CUBN: variants seen among roughly 807,000 people sequenced by gnomAD.
CUBN encodes the protein 460 kDa receptor.
A neutral mutation model predicts 405.3 loss-of-function variants in CUBN; 282 were observed. That is an observed-to-expected ratio of 0.70 (90% CI 0.63 to 0.77). The LOEUF (loss-of-function observed/expected upper bound fraction) is 0.77, where lower values mean the gene tolerates loss of function less well. Ranked by LOEUF, CUBN falls within the 30% of genes least tolerant of loss-of-function variation. The probability of loss-of-function intolerance (pLI) is 0.00; values close to 1 mark genes in which losing one functional copy is unlikely to be tolerated. For missense variants in CUBN, 4,514 were observed against 4,475.2 expected, an observed-to-expected ratio of 1.01 and a Z score of -0.25; for synonymous variants, 1,684 against 1,617.0, an observed-to-expected ratio of 1.04 and a Z score of -0.99.
At chr10:17,124,290 T>C (rs1217950976) in intron 4 of CUBN, among the ~76,000 whole-genome samples, 1 of 152,208 alleles carries the variant, frequency 6.6e-6, no homozygotes, top group Non-Finnish European at 1.5e-5. Flanking sequence ...GACCTACCTT[T>C]GTCTACATCT....
chr10:16,958,751 C>T (rs575280325), intron 31 of CUBN, among the ~76,000 whole-genome samples: 49 of 152,278 alleles, frequency 3.2e-4, no homozygotes, highest in African/African-American at 9.9e-4. Context: ...TGAGTAGCAG[C>T]GTCTTCTCTC....
chr10:16,887,328 C>T (rs962595519), intron 56 of CUBN, among the ~76,000 whole-genome samples: 1 of 152,252 alleles, frequency 6.6e-6, no homozygotes, highest in Admixed American at 6.5e-5. Context: ...TGTTAAAGTT[C>T]TGTCACTATT....
chr10:16,862,603 A>G (rs1357419559), intron 59 of CUBN, among the ~76,000 whole-genome samples: 2 of 152,188 alleles, frequency 1.3e-5, no homozygotes, highest in African/African-American at 2.4e-5. Context: ...CGGTCCCACT[A>G]TTATATTTCC....
In CUBN at chr10:16,840,989, A is replaced by G; in HGVS notation, c.9722T>C (p.Val3241Ala). The G allele has an allele frequency of 1.2e-6, 2 of 1,614,136 alleles. No homozygotes were observed. The highest frequency in any genetic ancestry group is 1.1e-5 in the South Asian group (1 of 91,086). The change falls in exon 61 of 67, where the codon GTA (valine) becomes GCA (alanine). Residue 3241 changes from valine to alanine, a missense_variant. By Grantham distance (64) the Val-to-Ala change is moderately conservative (BLOSUM62 0). Transcript: ENST00000377833. The part of the protein sequence containing the change: ...NLAGTFCGST[V>A]PAPFISSGNF... The stretch of plus-strand genomic sequence containing the variant: ...ACCAGAAGAGATAAAAGGAGCAGGT[A>G]CTGTGGAACCACAAAACGTTCCAGC...
At chr10:16,985,740 G>A (rs1044911814) in intron 29 of CUBN, among the ~76,000 whole-genome samples, 4 of 152,236 alleles carry the variant, frequency 2.6e-5, no homozygotes, top group African/African-American at 4.8e-5. Flanking sequence ...GAACAGATGT[G>A]CCACACCCCT....
At chr10:16,934,065 CG>C (rs1842432285) in intron 39 of CUBN, among the ~76,000 whole-genome samples, 1 of 152,072 alleles carries the variant, frequency 6.6e-6, no homozygotes, top group African/African-American at 2.4e-5. Context: ...TGGACCTCTG[CG>C]GCCCCACCAC....
intron 31 of CUBN, among the ~76,000 whole-genome samples, chr10:16,970,191 A>C (rs1843512898): frequency 1.3e-5 from 2 of 152,246 alleles, no homozygotes; most frequent in African/African-American, 4.8e-5. Context: ...ACTTCAAAGC[A>C]AGGACACTTT....
Position 17,047,422 on chromosome 10 carries a change from C to T in CUBN, c.3321G>A (p.Leu1107=). The T allele has an allele frequency of 6.2e-7, 1 of 1,611,044 alleles. No homozygotes were observed. The highest frequency in any genetic ancestry group is 8.5e-7 in the Non-Finnish European group (1 of 1,177,640). Residue 1107 remains leucine, a synonymous_variant, in exon 23 of 67, where the codon CTG becomes CTA. Coordinates refer to ENST00000377833, the MANE Select transcript of CUBN (RefSeq NM_001081.4). The part of the protein sequence containing the change: ...EAIGNYYTDF[L]EIRDGGYEKS... The stretch of plus-strand genomic sequence containing the variant: ...TAAATAAAAGTGCTGACCTGATTTC[C>T]AGAAAATCTGTATAATAGTTTCCAA...
At chr10:16,895,332 T>A (rs918132627) in intron 54 of CUBN, among the ~76,000 whole-genome samples, 6 of 148,340 alleles carry the variant, frequency 4.0e-5, no homozygotes, top group Non-Finnish European at 8.9e-5. Flanking sequence ...TACATATATA[T>A]ATTTATACAC....
chr10:17,123,524 T>A (rs781184584), intron 5 of CUBN, 64 bp downstream of exon 5: 1 of 1,217,418 alleles, frequency 8.2e-7, no homozygotes, highest in Non-Finnish European at 1.2e-6. Context: ...ATATGCCTGA[T>A]GATTCCAAGG....
At chr10:17,126,574 C>T (rs1837196645) in intron 4 of CUBN, among the ~76,000 whole-genome samples, 187 bp downstream of exon 4, 2 of 152,224 alleles carry the variant, frequency 1.3e-5, no homozygotes, top group East Asian at 3.8e-4. Flanking sequence ...GTCATTTCAT[C>T]TGTCTTAGAC....
At chr10:16,903,230 A>C (rs1841448788) in intron 51 of CUBN, among the ~76,000 whole-genome samples, 1 of 152,192 alleles carries the variant, frequency 6.6e-6, no homozygotes, top group Admixed American at 6.5e-5. Context: ...ATCTGATAAA[A>C]TCCTATGCCC....
intron 48 of CUBN, 88 bp from the exon 49 acceptor site, chr10:16,907,767 T>C: frequency 7.2e-7 from 1 of 1,386,628 alleles, no homozygotes. Flanking sequence ...CAGACCCACT[T>C]CCTTTTATGG....
chr10:16,915,147 T>C lies in CUBN; in HGVS notation c.7236A>G (p.Gly2412=). ...TGTCTATGCTGTCAGGAATGGTGTT[T>C]CCACAGTATCTGCCCAAGATGTTTC... ...TSGNILGRYC[G]NTIPDSIDTS... is the part of the protein sequence containing the mutation. The change falls in exon 47 of 67, where the codon GGA becomes GGG. Residue 2412 remains glycine, a synonymous_variant. Transcript: ENST00000377833. 6.2e-7 allele frequency: 1 copy of C among 1,613,996 alleles called. No individual in the cohort carries two copies. Among genetic ancestry groups the C allele is most frequent in the Non-Finnish European group, 8.5e-7 (1 of 1,179,968 alleles).
At chr10:16,880,756 G>T (rs1840646430) in intron 56 of CUBN, among the ~76,000 whole-genome samples, 1 of 152,132 alleles carries the variant, frequency 6.6e-6, no homozygotes, top group Non-Finnish European at 1.5e-5. Flanking sequence ...TTTCTATTCA[G>T]CCTGCAGAAA....
Position 17,099,212 on chromosome 10 carries a change from T to C in CUBN, c.1765+793A>G, listed in dbSNP as rs574574449. On this transcript the variant is annotated intron_variant, in intron 14 of 66. Transcript: ENST00000377833. Reference sequence around the variant, plus strand: ...TGCTGAAATTGATCCACAGATGTATTGATGAATGAATTGGGGGCATGGTAT... The same window carrying C: ...TGCTGAAATTGATCCACAGATGTATCGATGAATGAATTGGGGGCATGGTAT... 1.4e-4 allele frequency among the ~76,000 whole-genome samples: 21 copies of C among 152,302 alleles called. 1 individual carries two copies. In the South Asian group the frequency reaches 2.5e-3, roughly 18 times the overall value.
Position 16,883,262 on chromosome 10 carries a change from C to A in CUBN, c.8905+5155G>T, listed in dbSNP as rs548150250. ...GGAGGGGGAAGCATGTACTAGTATA[C>A]AGCTAAGTTCCATTGCGCACGAAGG... On this transcript the variant is annotated intron_variant, in intron 56 of 66. Transcript: ENST00000377833. Among the ~76,000 whole-genome samples, 28 of 152,246 alleles carry A rather than the reference C, an allele frequency of 1.8e-4. No homozygotes were observed. In the East Asian group the frequency reaches 5.4e-3, roughly 29 times the overall value.
chr10:17,033,102 G>T (rs1484706906), intron 27 of CUBN, among the ~76,000 whole-genome samples: 1 of 152,166 alleles, frequency 6.6e-6, no homozygotes, highest in Non-Finnish European at 1.5e-5. Flanking sequence ...TAAAAGTGCA[G>T]ATCTGACCAC....
intron 6 of CUBN, among the ~76,000 whole-genome samples, chr10:17,121,189 C>T (rs773491579): frequency 6.6e-6 from 1 of 151,902 alleles, no homozygotes; most frequent in Non-Finnish European, 1.5e-5. Context: ...AATGATTGAA[C>T]TCATAGACAT....
Sources: allele counts gnomAD v4.1 joint callset (sites outside exome capture counted in the v4.1 genomes callset), GRCh38; gene constraint gnomAD v4.1.1; transcripts MANE v1.5; gene names NCBI Gene and HGNC (gene_info 2026-07-23, HGNC 2026-07-21).